Variants in OSBPL8 observed in about 807,000 individuals in gnomAD.
The protein encoded by OSBPL8 is oxysterol-binding protein-related protein 8.
In OSBPL8, 59 loss-of-function variants were observed where a neutral mutation model predicts 125.5. The observed-to-expected ratio is 0.47, with a 90% CI of 0.38 to 0.58. The LOEUF (loss-of-function observed/expected upper bound fraction) is 0.58, where lower values mean the gene tolerates loss of function less well. OSBPL8 is among the 20% of genes least tolerant of loss of function. The pLI is 0.00. For missense variants in OSBPL8, 758 were observed against 1,047.8 expected, an observed-to-expected ratio of 0.72 and a Z score of 3.82; for synonymous variants, 330 against 338.9, an observed-to-expected ratio of 0.97 and a Z score of 0.29.
intron 20 of OSBPL8, 130 bp downstream of exon 20, chr12:76,369,507 G>C (rs183697675): frequency 7.6e-7 from 1 of 1,317,222 alleles, no homozygotes; most frequent in East Asian, 2.6e-5. Context: ...GCAAAACCAA[G>C]TTTAAAAATC....
chr12:76,519,538 C>T (rs1238386838), intron 1 of OSBPL8, among the ~76,000 whole-genome samples: 2 of 152,182 alleles, frequency 1.3e-5, no homozygotes, highest in Non-Finnish European at 2.9e-5. Flanking sequence ...TACAGCAACG[C>T]CCCACTCCTC....
At chr12:76,521,280 C>T (rs1389292260) in intron 1 of OSBPL8, among the ~76,000 whole-genome samples, 2 of 152,166 alleles carry the variant, frequency 1.3e-5, no homozygotes, top group African/African-American at 2.4e-5. Context: ...ATGTTTCTCC[C>T]TACCAAAATA....
intron 1 of OSBPL8, among the ~76,000 whole-genome samples, chr12:76,529,665 G>A (rs140787446): frequency 4.9e-4 from 74 of 152,248 alleles, no homozygotes; most frequent in African/African-American, 1.7e-3. Flanking sequence ...GAAGACTCGA[G>A]ATAAGAATAG....
chr12:76,417,452 T>G (rs1450720423), intron 4 of OSBPL8, among the ~76,000 whole-genome samples: 1 of 152,204 alleles, frequency 6.6e-6, no homozygotes, highest in African/African-American at 2.4e-5. Flanking sequence ...CTTAAAGACT[T>G]TTTATCCTAT....
chr12:76,377,956 A>C (rs1310599806), intron 16 of OSBPL8, among the ~76,000 whole-genome samples: 2 of 152,204 alleles, frequency 1.3e-5, no homozygotes, highest in Non-Finnish European at 2.9e-5. Flanking sequence ...GTAATGTTAT[A>C]GATGACAATT....
intron 3 of OSBPL8, among the ~76,000 whole-genome samples, chr12:76,458,148 T>G (rs1359523335): frequency 1.3e-5 from 2 of 151,988 alleles, no homozygotes; most frequent in Non-Finnish European, 2.9e-5. Context: ...GGCACACGCT[T>G]GTAGTCCCAG....
At chr12:76,548,189 G>C (rs563717442) in intron 1 of OSBPL8, among the ~76,000 whole-genome samples, 2 of 151,944 alleles carry the variant, frequency 1.3e-5, no homozygotes, top group South Asian at 2.1e-4. Context: ...AAAGAAAATC[G>C]TAACAGTAAA....
chr12:76,542,461 T>C (rs556563526), intron 1 of OSBPL8, among the ~76,000 whole-genome samples: 5 of 152,348 alleles, frequency 3.3e-5, no homozygotes, highest in Non-Finnish European at 7.3e-5. Flanking sequence ...TTAAAAACTT[T>C]AGGATGCATC....
chr12:76,377,983 A>G (rs1490772688), intron 16 of OSBPL8, among the ~76,000 whole-genome samples: 11 of 152,198 alleles, frequency 7.2e-5, no homozygotes, highest in Admixed American at 7.2e-4. Flanking sequence ...TAATACCCTT[A>G]TCTGTATTTT....
chr12:76,513,884 A>T (rs548147753), intron 1 of OSBPL8, among the ~76,000 whole-genome samples: 1 of 150,644 alleles, frequency 6.6e-6, no homozygotes, highest in Non-Finnish European at 1.5e-5. Flanking sequence ...TTTTTTATCC[A>T]GTTTGTTGCT....
At chr12:76,461,829 A>C (rs563581168) in intron 2 of OSBPL8, among the ~76,000 whole-genome samples, 17 of 152,324 alleles carry the variant, frequency 1.1e-4, no homozygotes, top group African/African-American at 4.1e-4. Flanking sequence ...CTTCTAGCTA[A>C]GCTACTCTTG....
At chr12:76,536,158 T>A (rs1217529186) in intron 1 of OSBPL8, among the ~76,000 whole-genome samples, 1 of 151,984 alleles carries the variant, frequency 6.6e-6, no homozygotes, top group Non-Finnish European at 1.5e-5. Flanking sequence ...GCTGTTTAAG[T>A]AACAATGTTT....
At chr12:76,370,891 C>G (rs1263812041) in intron 19 of OSBPL8, among the ~76,000 whole-genome samples, 1 of 152,058 alleles carries the variant, frequency 6.6e-6, no homozygotes, top group Non-Finnish European at 1.5e-5. Context: ...AAAGATATAA[C>G]AACAATAAAA....
chr12:76,448,738 G>A (rs987544761), intron 4 of OSBPL8, among the ~76,000 whole-genome samples: 2 of 152,190 alleles, frequency 1.3e-5, no homozygotes, highest in African/African-American at 4.8e-5. Context: ...GTAGAGGATG[G>A]GTGCGGTGGC....
intron 2 of OSBPL8, among the ~76,000 whole-genome samples, chr12:76,484,961 C>T (rs1340624999): frequency 6.6e-6 from 1 of 152,056 alleles, no homozygotes; most frequent in Admixed American, 6.6e-5. Flanking sequence ...GCTCTTGTTG[C>T]CCAGGCTAGA....
chr12:76,503,769 T>C (rs1213749887), intron 1 of OSBPL8, among the ~76,000 whole-genome samples: 2 of 151,978 alleles, frequency 1.3e-5, no homozygotes, highest in African/African-American at 4.8e-5. Context: ...GGTTTCGATC[T>C]CCTGACCTCG....
At chr12:76,540,694 A>G (rs1171420632) in intron 1 of OSBPL8, among the ~76,000 whole-genome samples, 1 of 152,004 alleles carries the variant, frequency 6.6e-6, no homozygotes, top group African/African-American at 2.4e-5. Context: ...AAAAAAAAAA[A>G]AACTTCAGAC....
rs773619766 is a variant in OSBPL8 at position 76,373,424 on chromosome 12, C to T, written c.1837G>A (p.Gly613Arg). The T allele has an allele frequency of 1.3e-6, 2 of 1,598,308 alleles. No homozygotes were observed. The highest frequency in any genetic ancestry group is 1.7e-6 in the Non-Finnish European group (2 of 1,169,846). The change falls in exon 18 of 24, where the codon GGG becomes AGG. Residue 613 changes from glycine to arginine, a missense_variant. Physicochemically the swap from Gly to Arg is moderately radical, Grantham distance 125. This residue lies in a region of OSBPL8 where 572 missense variants were observed against 762.0 expected (regional missense o/e 0.75). Transcript: ENST00000261183. The part of the protein sequence containing the change: ...ILEFKLKPFL[G>R]SSDCVNQISG... ...ATTTGATTAACACAGTCACTACTCC[C>T]TAGGAATGGCTTTTAAACGAGAAAA...
chr12:76,482,550 T>G (rs1214585112), intron 2 of OSBPL8, among the ~76,000 whole-genome samples: 1 of 151,832 alleles, frequency 6.6e-6, no homozygotes, highest in Non-Finnish European at 1.5e-5. Context: ...GAGGCAGAGG[T>G]TGCAGTGGGC....
Sources: allele counts gnomAD v4.1 joint callset (sites outside exome capture counted in the v4.1 genomes callset), GRCh38; gene constraint gnomAD v4.1.1; regional missense constraint gnomAD v4.1.1; transcripts MANE v1.5; gene names NCBI Gene and HGNC (gene_info 2026-07-23, HGNC 2026-07-21).